Variants in SPTA1 observed in about 807,000 individuals in gnomAD.
SPTA1 encodes spectrin alpha, erythrocytic 1, also known as spectrin alpha chain, erythrocytic 1.
Under a neutral mutation model 324.7 loss-of-function variants are expected in SPTA1, and 177 were observed. That is an observed-to-expected ratio of 0.55 (90% CI 0.48 to 0.62). The LOEUF is 0.62. Among genes scored for constraint, SPTA1 ranks in the 20% least tolerant of loss-of-function variants. The pLI is 0.00. For missense variants in SPTA1, 3,162 were observed against 2,883.6 expected (o/e 1.10, Z -2.21); for synonymous variants, 1,195 against 1,041.3 (o/e 1.15, Z -2.84).
At chr1:158,620,556 T>C in intron 43 of SPTA1, 90 bp from the exon 44 acceptor site, 2 of 1,513,646 alleles carry the variant, frequency 1.3e-6, no homozygotes, top group Non-Finnish European at 1.8e-6. Context: ...TGCCTGTCTT[T>C]AAATATCTGC....
chr1:158,652,396 G>T, intron 23 of SPTA1, 71 bp downstream of exon 23: 1 of 1,530,646 alleles, frequency 6.5e-7, no homozygotes, highest in Non-Finnish European at 9.0e-7. Context: ...TAAATTAAAA[G>T]ATCATGTAGA....
At chr1:158,671,580 T>C in intron 11 of SPTA1, 127 bp from the exon 12 acceptor site, 1 of 739,932 alleles carries the variant, frequency 1.4e-6, no homozygotes, top group South Asian at 1.5e-5. Context: ...ATTATGATAA[T>C]GGGTAGAAAT....
chr1:158,674,716 G>A (rs1413782880), intron 8 of SPTA1, 41 bp from the exon 9 acceptor site: 1 of 1,609,918 alleles, frequency 6.2e-7, no homozygotes. Context: ...GGAGAAACCA[G>A]ATATGAAAGG....
chr1:158,663,277 G>A (rs1200444606), intron 16 of SPTA1, among the ~76,000 whole-genome samples: 3 of 152,182 alleles, frequency 2.0e-5, no homozygotes, highest in Admixed American at 1.3e-4. Flanking sequence ...GAAAAAACTG[G>A]AAGTGTTTTT....
Position 158,643,326 on chromosome 1 carries a change from C to T in SPTA1, c.4438G>A (p.Asp1480Asn). 6.2e-7 allele frequency: 1 copy of T among 1,613,870 alleles called. No homozygotes were observed. Among genetic ancestry groups the T allele is most frequent in the South Asian group, 1.1e-5 (1 of 91,072 alleles). The change falls in exon 31 of 52, where the codon GAC becomes AAC. Residue 1480 changes from aspartate (D) to asparagine (N), a missense_variant. By Grantham distance (23) the Asp-to-Asn change is conservative. Coordinates refer to ENST00000643759, the MANE Select transcript of SPTA1 (RefSeq NM_003126.4). ...EIATRLQRVL[D>N]RWKALKAQLI... ...AAACAATCACTCAGGCCTGACCTGT[C>T]TAGTACACGTTGGAGCCGCGTAGCA...
At chr1:158,648,470 C>G (rs2101848228) in intron 26 of SPTA1, 39 bp downstream of exon 26, 1 of 1,613,450 alleles carries the variant, frequency 6.2e-7, no homozygotes, top group East Asian at 2.2e-5. Flanking sequence ...TAAATATAGA[C>G]TGGAAAGTGT....
Position 158,645,379 on chromosome 1 carries a change from G to A in SPTA1, c.4003C>T (p.Arg1335Cys), listed in dbSNP as rs758705311. 19 of 1,613,946 alleles carry A rather than the reference G, an allele frequency of 1.2e-5. No homozygotes were observed. Among genetic ancestry groups the A allele is most frequent in the South Asian group, 7.7e-5 (7 of 91,070 alleles). ...EILLERHQEH[R>C]ADMEAEAPTF... is the part of the protein sequence containing the mutation. ...GGAGCCTCTGCCTCCATGTCAGCAC[G>A]GTGCTCCTGTGGGAAAAAGGGGGAA... is the stretch of plus-strand genomic sequence containing the variant. The change falls in exon 29 of 52, where the codon CGT becomes TGT. Residue 1335 changes from arginine to cysteine, a missense_variant. Coordinates refer to ENST00000643759, the MANE Select transcript of SPTA1 (RefSeq NM_003126.4).
chr1:158,661,281 A>T lies in SPTA1; in HGVS notation c.2587+6T>A. 2 of 1,613,870 alleles carry T rather than the reference A, an allele frequency of 1.2e-6. No individual in the cohort carries two copies. Among genetic ancestry groups the T allele is most frequent in the South Asian group, 2.2e-5 (2 of 91,078 alleles). On this transcript the variant is annotated splice_donor_region_variant and intron_variant, in intron 18 of 51. Transcript: ENST00000643759. ...TTTTGTCCAACTGAATCTCAATCAT[A>T]CATACCTTCCTCTACCATTTTGTTT...
intron 41 of SPTA1, 55 bp from the exon 42 acceptor site, chr1:158,626,277 G>T: frequency 6.5e-7 from 1 of 1,530,318 alleles, no homozygotes; most frequent in Non-Finnish European, 9.0e-7. Context: ...TTTGAGTCCT[G>T]GGAAGCAGAA....
At chr1:158,638,690 C>T (rs1439678407) in intron 35 of SPTA1, among the ~76,000 whole-genome samples, 5 of 144,170 alleles carry the variant, frequency 3.5e-5, no homozygotes, top group African/African-American at 1.3e-4. Context: ...CTGGCGTGTG[C>T]CTGTAATCTC....
chr1:158,656,994 T>G (rs2852637), intron 19 of SPTA1, among the ~76,000 whole-genome samples: 60,233 of 151,982 alleles, frequency 0.4, 14,948 homozygotes, highest in African/African-American at 0.71. Flanking sequence ...AATTTCTAGT[T>G]CCAAAGGTTT....
chr1:158,646,159 G>T (rs550726190), intron 27 of SPTA1, among the ~76,000 whole-genome samples: 1 of 152,016 alleles, frequency 6.6e-6, no homozygotes, highest in Non-Finnish European at 1.5e-5. Flanking sequence ...TTAAATCAAG[G>T]TCTATTTCCC....
chr1:158,630,273 A>C (rs1377551136), intron 39 of SPTA1, among the ~76,000 whole-genome samples: 1 of 152,092 alleles, frequency 6.6e-6, no homozygotes, highest in Non-Finnish European at 1.5e-5. Flanking sequence ...AATAATTAAG[A>C]GTATGGTACT....
intron 18 of SPTA1, 149 bp downstream of exon 18, chr1:158,661,138 G>A (rs1250997371): frequency 8.4e-6 from 10 of 1,190,470 alleles, no homozygotes; most frequent in African/African-American, 1.5e-5. Flanking sequence ...AAAACCATAT[G>A]CCCATTTGTC....
intron 18 of SPTA1, among the ~76,000 whole-genome samples, chr1:158,658,750 G>A (rs1186627852): frequency 1.3e-5 from 2 of 151,664 alleles, no homozygotes; most frequent in Non-Finnish European, 2.9e-5. Flanking sequence ...AGGTAGAGGG[G>A]GAAAAAAAGA....
rs914045263 is a variant in SPTA1 at position 158,663,013 on chromosome 1, T to C, written c.2221-68A>G. On this transcript the variant is annotated intron_variant, in intron 16 of 51. Coordinates refer to ENST00000643759, the MANE Select transcript of SPTA1 (RefSeq NM_003126.4). ...AGTAGGAAGTAATAGGAGTTTGTCA[T>C]GGTGGAAACGGGGTCATGGGAAAAT... 4 of 1,605,114 alleles carry C rather than the reference T, an allele frequency of 2.5e-6. No homozygotes were observed. The Admixed American group carries it at 5.0e-5, about 20-fold the overall frequency.
At chr1:158,640,895 C>A (rs1001960348) in intron 33 of SPTA1, among the ~76,000 whole-genome samples, 3 of 152,174 alleles carry the variant, frequency 2.0e-5, no homozygotes, top group Admixed American at 2.0e-4. Context: ...ATCACGCTAC[C>A]TGACTTCAAA....
At chr1:158,626,754 A>G (rs1476024129) in intron 41 of SPTA1, 85 bp downstream of exon 41, 11 of 1,574,112 alleles carry the variant, frequency 7.0e-6, no homozygotes, top group Non-Finnish European at 8.7e-6. Flanking sequence ...TTCATACAGT[A>G]AAAGTCCCAG....
In SPTA1 at chr1:158,639,712, A is replaced by G. The variant is rs775286601; in HGVS notation, c.4876-26T>C. The stretch of plus-strand genomic sequence containing the variant: ...CTGGAAATAGAGAAATAAGCAATAA[A>G]GCTGCCAGGTGAAACTGCCTTTAAG... On this transcript the variant is annotated intron_variant, in intron 34 of 51. Coordinates refer to ENST00000643759, the MANE Select transcript of SPTA1 (RefSeq NM_003126.4). The G allele has an allele frequency of 4.3e-6, 7 of 1,613,404 alleles. No individual in the cohort carries two copies. The Admixed American group carries it at 1.2e-4, about 27-fold the overall frequency.
Sources: gnomAD v4.1 joint callset for allele counts (sites outside exome capture counted in the v4.1 genomes callset) on GRCh38, gnomAD v4.1.1 for gene constraint, MANE v1.5 for transcripts, NCBI Gene and HGNC (gene_info 2026-07-23, HGNC 2026-07-21) for gene names.